Variants in MYO5B observed in about 807,000 individuals in gnomAD.
MYO5B encodes myosin VB, also known as unconventional myosin-Vb.
Under a neutral mutation model 229.3 loss-of-function variants are expected in MYO5B, and 143 were observed. The observed-to-expected ratio is 0.62, with a 90% CI of 0.54 to 0.72. The LOEUF is 0.72. MYO5B is among the 30% of genes least tolerant of loss of function. The pLI is 0.00. For synonymous variants in MYO5B, 918 were observed against 885.2 expected (o/e 1.04, Z -0.66); for missense variants, 2,321 against 2,331.0 (o/e 1.00, Z 0.09).
chr18:50,017,994 T>C (rs1354659988), intron 4 of MYO5B, among the ~76,000 whole-genome samples: 1 of 152,234 alleles, frequency 6.6e-6, no homozygotes, highest in Non-Finnish European at 1.5e-5. Context: ...TGTTTCTGTT[T>C]CTTGCATGTG....
At chr18:50,030,517 G>T (rs1317723776) in intron 4 of MYO5B, among the ~76,000 whole-genome samples, 2 of 147,168 alleles carry the variant, frequency 1.4e-5, no homozygotes, top group Non-Finnish European at 3.1e-5. Flanking sequence ...TTCTCTACAT[G>T]CTCTTCACAC....
intron 9 of MYO5B, 79 bp from the exon 10 acceptor site, chr18:49,974,694 C>A (rs1489664646): frequency 5.2e-6 from 8 of 1,534,688 alleles, no homozygotes; most frequent in Non-Finnish European, 7.1e-6. Flanking sequence ...CACCCTCCTG[C>A]CCAGAGGGAA....
At position 49,965,886 on chromosome 18, in the gene MYO5B, G is replaced by C. The variant is rs113829209; in HGVS notation, c.1323-2856C>G. On this transcript the variant is annotated intron_variant, in intron 10 of 39. Coordinates refer to ENST00000285039, the MANE Select transcript of MYO5B (RefSeq NM_001080467.3). The stretch of plus-strand genomic sequence containing the variant: ...ATGGGAAAGGGCCAGTAATACCAAC[G>C]AGGTAATAGCGATGGACACAGGCTC... Among the ~76,000 whole-genome samples, 618 of 152,320 alleles carry C rather than the reference G, an allele frequency of 4.1e-3. 4 individuals are homozygous for C. The highest frequency in any genetic ancestry group is 0.013 in the African/African-American group (530 of 41,576).
chr18:50,142,233 A>C (rs2032428865), intron 1 of MYO5B, among the ~76,000 whole-genome samples: 1 of 152,206 alleles, frequency 6.6e-6, no homozygotes, highest in South Asian at 2.1e-4. Context: ...ATTCAGGTTG[A>C]CGGAGCAACC....
chr18:49,924,465 C>A (rs931080731), intron 17 of MYO5B, among the ~76,000 whole-genome samples: 1 of 152,192 alleles, frequency 6.6e-6, no homozygotes, highest in Non-Finnish European at 1.5e-5. Context: ...TGAATCCAGG[C>A]CTGACTCCAA....
At chr18:50,053,257 C>T (rs1179368385) in intron 2 of MYO5B, among the ~76,000 whole-genome samples, 2 of 152,186 alleles carry the variant, frequency 1.3e-5, no homozygotes, top group Non-Finnish European at 2.9e-5. Context: ...TAGAGCCAGG[C>T]TTCCCTTCCA....
chr18:50,132,664 G>A (rs977517804), intron 1 of MYO5B, among the ~76,000 whole-genome samples: 1 of 152,176 alleles, frequency 6.6e-6, no homozygotes, highest in Non-Finnish European at 1.5e-5. Context: ...AGGGTTGCCT[G>A]CTCAGAATTA....
intron 15 of MYO5B, 115 bp downstream of exon 15, chr18:49,937,130 A>C: frequency 7.9e-7 from 1 of 1,259,376 alleles, no homozygotes; most frequent in Non-Finnish European, 1.2e-6. Flanking sequence ...GGCTGAGGCT[A>C]CTGATGTCAA....
intron 4 of MYO5B, among the ~76,000 whole-genome samples, chr18:50,017,286 A>ATT (rs34954831): frequency 2.0e-5 from 3 of 149,374 alleles, no homozygotes; most frequent in Admixed American, 6.7e-5. Context: ...GTCTGGCTAA[A>ATT]TTTTTTTTTT....
At chr18:49,952,886 C>T (rs967316909) in intron 14 of MYO5B, among the ~76,000 whole-genome samples, 8 of 151,740 alleles carry the variant, frequency 5.3e-5, no homozygotes, top group South Asian at 2.1e-4. Context: ...AGGCAGGAGA[C>T]GGAGGACAGA....
chr18:49,837,157 T>C (rs1315268440), intron 37 of MYO5B, among the ~76,000 whole-genome samples: 1 of 152,250 alleles, frequency 6.6e-6, no homozygotes, highest in Admixed American at 6.5e-5. Context: ...ATATACTGAA[T>C]TGTAAGTATT....
intron 7 of MYO5B, among the ~76,000 whole-genome samples, chr18:49,988,107 C>T (rs1233611157): frequency 3.3e-5 from 5 of 152,192 alleles, no homozygotes; most frequent in African/African-American, 9.7e-5. Context: ...ACAAAACTTA[C>T]GCCAAGCCAA....
At chr18:50,082,559 A>G (rs965060012) in intron 1 of MYO5B, among the ~76,000 whole-genome samples, 2 of 152,220 alleles carry the variant, frequency 1.3e-5, no homozygotes, top group African/African-American at 2.4e-5. Flanking sequence ...AAATATACCA[A>G]TGTCATCAAC....
At chr18:49,986,107 C>G (rs1441740109) in intron 7 of MYO5B, among the ~76,000 whole-genome samples, 1 of 152,180 alleles carries the variant, frequency 6.6e-6, no homozygotes, top group Non-Finnish European at 1.5e-5. Flanking sequence ...TAGAACAGCC[C>G]CTGGCCCTTT....
At chr18:50,184,873 TACACACAC>T (rs72463376) in intron 1 of MYO5B, among the ~76,000 whole-genome samples, 1 of 148,612 alleles carries the variant, frequency 6.7e-6, no homozygotes, top group Non-Finnish European at 1.5e-5. Flanking sequence ...ACCCTATCTC[TACACACAC>T]ACACACACAC....
chr18:49,944,501 T>C lies in MYO5B; in HGVS notation c.1753-7104A>G, dbSNP rs1308828857. Among the ~76,000 whole-genome samples, 3 of 152,004 alleles carry C rather than the reference T, an allele frequency of 2.0e-5. No homozygotes were observed. The East Asian group carries it at 5.8e-4, about 29-fold the overall frequency. On this transcript the variant is annotated intron_variant, in intron 14 of 39. Coordinates refer to ENST00000285039, the MANE Select transcript of MYO5B (RefSeq NM_001080467.3). ...AACCTAGCAGTGAGCTCAGAAGTAA[T>C]GAGGTATAGCAGGAAGGGCATGGGG...
chr18:49,841,548 C>G (rs2024057970), intron 34 of MYO5B, 94 bp from the exon 35 acceptor site: 1 of 1,185,012 alleles, frequency 8.4e-7, no homozygotes, highest in Admixed American at 1.7e-5. Context: ...CTACCCTTAC[C>G]TAGTGTTCCT....
chr18:50,077,938 T>A (rs11877042), intron 1 of MYO5B, among the ~76,000 whole-genome samples: 1 of 152,146 alleles, frequency 6.6e-6, no homozygotes, highest in Non-Finnish European at 1.5e-5. Context: ...ACACAAGAAC[T>A]GCACATCCTA....
intron 5 of MYO5B, among the ~76,000 whole-genome samples, chr18:49,995,481 G>A (rs1327722770): frequency 4.0e-5 from 6 of 151,316 alleles, no homozygotes; most frequent in African/African-American, 1.2e-4. Flanking sequence ...GGATGGTCTC[G>A]ATCTCCTGAC....
Sources: gnomAD v4.1 joint callset for allele counts (sites outside exome capture counted in the v4.1 genomes callset) on GRCh38, gnomAD v4.1.1 for gene constraint, MANE v1.5 for transcripts, NCBI Gene and HGNC (gene_info 2026-07-23, HGNC 2026-07-21) for gene names.